LRRC75B: variants seen among roughly 807,000 people sequenced by gnomAD.
The protein encoded by LRRC75B is leucine rich repeat containing 75B.
In LRRC75B, 20 loss-of-function variants were observed where a neutral mutation model predicts 16.5. The ratio of observed to expected loss-of-function variants is 1.21; its 90% confidence interval spans 0.85 to 1.76. LRRC75B has a LOEUF of 1.76. Ranked by LOEUF, LRRC75B falls within the 40% of genes most tolerant of loss-of-function variation. LRRC75B has a pLI of 0.00. For synonymous variants in LRRC75B, 199 were observed against 198.1 expected (o/e 1.00, Z -0.04); for missense variants, 406 against 417.0 (o/e 0.97, Z 0.23).
chr22:24,586,978 T>C (rs893611786), intron 3 of LRRC75B, among the ~76,000 whole-genome samples: 1 of 152,248 alleles, frequency 6.6e-6, no homozygotes, highest in Non-Finnish European at 1.5e-5. Context: ...GAAATCTCAC[T>C]GTGTGCCCAG....
chr22:24,592,768 C>T, intron 1 of LRRC75B, 95 bp downstream of exon 1: 1 of 1,288,912 alleles, frequency 7.8e-7, no homozygotes, highest in Non-Finnish European at 9.9e-7. Flanking sequence ...CCGGCGGATA[C>T]AGGCCCACAA....
intron 2 of LRRC75B, chr22:24,589,327 G>C: frequency 8.5e-7 from 1 of 1,170,082 alleles, no homozygotes. Flanking sequence ...CCTTGCTTAT[G>C]ACCCCAGCTG....
chr22:24,589,597 C>T, intron 2 of LRRC75B: 1 of 580,668 alleles, frequency 1.7e-6, no homozygotes, highest in South Asian at 2.6e-5. Context: ...ATGGGTCTGC[C>T]CAGGACTCTG....
chr22:24,592,205 G>C, intron 1 of LRRC75B: 1 of 436,726 alleles, frequency 2.3e-6, no homozygotes, highest in Non-Finnish European at 4.6e-6. Context: ...TTGGGATCTG[G>C]GTTTAGTGTA....
chr22:24,589,623 A>G, intron 2 of LRRC75B, 198 bp downstream of exon 2: 1 of 650,148 alleles, frequency 1.5e-6, no homozygotes, highest in Non-Finnish European at 2.4e-6. Context: ...CCTGCAAAGC[A>G]CAGCTCACAC....
At chr22:24,590,002 G>A in intron 1 of LRRC75B, 53 bp from the exon 2 acceptor site, 2 of 1,501,154 alleles carry the variant, frequency 1.3e-6, no homozygotes, top group Middle Eastern at 1.8e-4. Context: ...CCCATCTCGA[G>A]GCACCACCCC....
In LRRC75B at chr22:24,588,324, A is replaced by T; in HGVS notation, c.312T>A (p.Tyr104Ter). The T allele has an allele frequency of 6.2e-7, 1 of 1,611,220 alleles. No individual in the cohort carries two copies. Reference protein sequence around the residue: ...ARDLQCPKKDYELWKSSDKIC... With the variant: ...ARDLQCPKKD ...TCTTGTCCGAGGACTTCCAGAGCTC[A>T]TAGTCCTGTGGGAGGGCAGTGTCAC... Residue 104 changes from tyrosine to a stop codon, truncating the protein, a stop_gained, in exon 3 of 4, where the codon TAT becomes TAA. Coordinates refer to ENST00000318753, the MANE Select transcript of LRRC75B (RefSeq NM_207644.3). LOFTEE classifies it high-confidence loss of function.
chr22:24,590,588 G>A (rs2045539867), intron 1 of LRRC75B, among the ~76,000 whole-genome samples: 1 of 151,362 alleles, frequency 6.6e-6, no homozygotes, highest in South Asian at 2.1e-4. Flanking sequence ...GTCTTATGGT[G>A]GGGGGGTTTG....
chr22:24,590,121 C>T (rs1313951150), intron 1 of LRRC75B, among the ~76,000 whole-genome samples, 172 bp from the exon 2 acceptor site: 4 of 151,762 alleles, frequency 2.6e-5, no homozygotes, highest in African/African-American at 7.2e-5. Flanking sequence ...TGGCGGGTGG[C>T]CCCCTTCTTT....
intron 1 of LRRC75B, chr22:24,592,542 T>G (rs1221385570): frequency 2.3e-6 from 1 of 438,094 alleles, no homozygotes; most frequent in Non-Finnish European, 4.5e-6. Context: ...GGCTCTTAGG[T>G]CCAGGCTACC....
intron 2 of LRRC75B, chr22:24,588,812 G>A (rs1386515147): frequency 9.9e-7 from 1 of 1,013,668 alleles, no homozygotes; most frequent in African/African-American, 1.7e-5. Context: ...CGCCTGCGGG[G>A]TCTGGGTCTG....
chr22:24,590,096 G>T, intron 1 of LRRC75B, 147 bp from the exon 2 acceptor site: 2 of 940,626 alleles, frequency 2.1e-6, no homozygotes. Context: ...AGGCGGCCAT[G>T]GGCCAACAGT....
In LRRC75B at chr22:24,586,114, A is replaced by C; in HGVS notation, c.720T>G (p.Ala240=). 6.2e-7 allele frequency: 1 copy of C among 1,613,116 alleles called. No individual in the cohort carries two copies. The highest frequency in any genetic ancestry group is 8.5e-7 in the Non-Finnish European group (1 of 1,179,958). The change falls in exon 4 of 4, where the codon GCT becomes GCG. Residue 240 remains alanine, a synonymous_variant. Coordinates refer to ENST00000318753, the MANE Select transcript of LRRC75B (RefSeq NM_207644.3). ...DAIKDTTKFP[A]LAWVDLGNNV... The stretch of plus-strand genomic sequence containing the variant: ...TGTTGCCCAGGTCCACCCAAGCCAA[A>C]GCAGGGAACTTGGTGGTGTCCTTGA...
At position 24,586,038 on chromosome 22, in the gene LRRC75B, G is replaced by T. The variant is rs777594887; in HGVS notation, c.796C>A (p.Arg266=). ...GGGAGTGAGGTGCGCTGGCTCAGCC[G>T]CCGGCGCAGGCCGACCAGCAGGGGC... ...PQPLLVGLRR[R]LSQRTSLPTI... is the part of the protein sequence containing the mutation. Residue 266 remains arginine, a synonymous_variant, in exon 4 of 4, where the codon CGG becomes AGG. Coordinates refer to ENST00000318753, the MANE Select transcript of LRRC75B (RefSeq NM_207644.3). 6.2e-7 allele frequency: 1 copy of T among 1,611,124 alleles called. No individual in the cohort carries two copies. Among genetic ancestry groups the T allele is most frequent in the East Asian group, 2.2e-5 (1 of 44,878 alleles).
rs941564485 is a variant in LRRC75B, at chr22:24,585,636, C to T, written c.*250G>A. On this transcript the variant is annotated 3_prime_UTR_variant, in exon 4 of 4. Transcript: ENST00000318753. Reference sequence around the variant, plus strand: ...GGTTGGTGATGCAGAAAAGCAGAGGCGGGTGTCACTCTTTATTGCGGGGTC... The same window carrying T: ...GGTTGGTGATGCAGAAAAGCAGAGGTGGGTGTCACTCTTTATTGCGGGGTC... 1.8e-5 allele frequency: 10 copies of T among 547,164 alleles called. No individual in the cohort carries two copies. Among genetic ancestry groups the T allele is most frequent in the East Asian group, 3.0e-5 (1 of 33,120 alleles). 33.9% of individuals were successfully genotyped at this position (547,164 alleles called of 1,614,324 possible).
chr22:24,588,799 C>A (rs550680316), intron 2 of LRRC75B: 78 of 1,016,686 alleles, frequency 7.7e-5, no homozygotes, highest in Non-Finnish European at 8.6e-5. Flanking sequence ...CCAAGCGAGA[C>A]TGCGCCTGCG....
intron 1 of LRRC75B, among the ~76,000 whole-genome samples, chr22:24,590,587 TG>T (rs763373531): frequency 2.0e-5 from 3 of 152,078 alleles, no homozygotes; most frequent in African/African-American, 7.2e-5. Context: ...CGTCTTATGG[TG>T]GGGGGGTTTG....
Position 24,591,172 on chromosome 22 carries a change from C to T in LRRC75B, c.178-1223G>A, listed in dbSNP as rs537628588. The stretch of plus-strand genomic sequence containing the variant: ...TCAGCTCACCGCAACCTCCGCCTCC[C>T]GGGTTCAAGCAATTCTCCTGCCTCA... On this transcript the variant is annotated intron_variant, in intron 1 of 3. Coordinates refer to ENST00000318753, the MANE Select transcript of LRRC75B (RefSeq NM_207644.3). Among the ~76,000 whole-genome samples the T allele has an allele frequency of 3.3e-5, 5 of 152,364 alleles. No individual in the cohort carries two copies. In the South Asian group the frequency reaches 8.3e-4, roughly 25 times the overall value.
At chr22:24,592,324 C>T in intron 1 of LRRC75B, 1 of 470,316 alleles carries the variant, frequency 2.1e-6, no homozygotes, top group South Asian at 1.5e-5. Flanking sequence ...ACTGGTGATG[C>T]ATGGATGGCT....
Sources: gnomAD v4.1 joint callset for allele counts (sites outside exome capture counted in the v4.1 genomes callset) on GRCh38, gnomAD v4.1.1 for gene constraint, MANE v1.5 for transcripts, NCBI Gene and HGNC (gene_info 2026-07-23, HGNC 2026-07-21) for gene names.